Variants in ADGRL2 observed in about 807,000 individuals in gnomAD.
The protein encoded by ADGRL2 is calcium-independent alpha-latrotoxin receptor 2.
ADGRL2 carries 44 observed loss-of-function variants against 157.4 expected under a neutral mutation model. The ratio of observed to expected loss-of-function variants is 0.28; its 90% confidence interval spans 0.22 to 0.36. The LOEUF (loss-of-function observed/expected upper bound fraction) is 0.36, where lower values mean the gene tolerates loss of function less well. Among genes scored for constraint, ADGRL2 ranks in the 10% least tolerant of loss-of-function variants. The probability of loss-of-function intolerance (pLI) is 1.00; values close to 1 mark genes in which losing one functional copy is unlikely to be tolerated. For missense variants in ADGRL2, 1,510 were observed against 1,768.9 expected, an observed-to-expected ratio of 0.85 and a Z score of 2.63; for synonymous variants, 585 against 624.7, an observed-to-expected ratio of 0.94 and a Z score of 0.95.
intron 3 of ADGRL2, among the ~76,000 whole-genome samples, chr1:81,672,598 C>A (rs1296676855): frequency 6.6e-6 from 1 of 152,168 alleles, no homozygotes; most frequent in East Asian, 1.9e-4. Context: ...TAAAGGTTAT[C>A]ACTTTTCATT....
At chr1:81,806,624 A>G (rs1036556691) in intron 1 of ADGRL2, among the ~76,000 whole-genome samples, 2 of 152,158 alleles carry the variant, frequency 1.3e-5, no homozygotes, top group East Asian at 1.9e-4. Flanking sequence ...TTTTCTATCA[A>G]AATATTTATT....
At chr1:81,879,848 GA>G (rs1225477915) in intron 2 of ADGRL2, among the ~76,000 whole-genome samples, 1 of 152,024 alleles carries the variant, frequency 6.6e-6, no homozygotes, top group East Asian at 1.9e-4. Flanking sequence ...CCAATGTGGT[GA>G]AACCCTGTCT....
At chr1:81,427,207 C>T in intron 1 of ADGRL2, 1 of 809,300 alleles carries the variant, frequency 1.2e-6, no homozygotes, top group South Asian at 1.3e-5. Flanking sequence ...ATGGTGGCAA[C>T]TTTGGTGGAA....
At chr1:81,308,974 A>G (rs948357341) in intron 1 of ADGRL2, among the ~76,000 whole-genome samples, 1 of 152,142 alleles carries the variant, frequency 6.6e-6, no homozygotes, top group Non-Finnish European at 1.5e-5. Flanking sequence ...TATATATAAT[A>G]CCATGTTGTT....
At chr1:81,728,782 A>G (rs1293343198) in intron 1 of ADGRL2, among the ~76,000 whole-genome samples, 3 of 152,120 alleles carry the variant, frequency 2.0e-5, no homozygotes, top group African/African-American at 7.2e-5. Context: ...GTGCCTGTCC[A>G]TGCTGAAACA....
At chr1:81,665,504 C>G (rs1376106240) in intron 3 of ADGRL2, among the ~76,000 whole-genome samples, 9 of 152,042 alleles carry the variant, frequency 5.9e-5, no homozygotes, top group Non-Finnish European at 1.3e-4. Flanking sequence ...ATTTATCATA[C>G]AATTATATGT....
intron 21 of ADGRL2, among the ~76,000 whole-genome samples, chr1:81,986,129 A>G (rs1481432353): frequency 3.3e-5 from 5 of 152,104 alleles, no homozygotes; most frequent in Non-Finnish European, 7.4e-5. Context: ...TACATTAGCT[A>G]TGCAAAACAT....
chr1:81,504,204 A>C (rs2078918694), intron 2 of ADGRL2, among the ~76,000 whole-genome samples: 1 of 151,850 alleles, frequency 6.6e-6, no homozygotes, highest in Non-Finnish European at 1.5e-5. Flanking sequence ...CGCCCCCCCA[A>C]ACCTCATGCT....
intron 3 of ADGRL2, among the ~76,000 whole-genome samples, chr1:81,669,011 G>A (rs1438599369): frequency 6.6e-6 from 1 of 152,128 alleles, no homozygotes; most frequent in Non-Finnish European, 1.5e-5. Context: ...TATCTGTGGT[G>A]TTCTGTCTTC....
chr1:81,844,779 A>G (rs916059126), intron 2 of ADGRL2, among the ~76,000 whole-genome samples: 5 of 152,168 alleles, frequency 3.3e-5, no homozygotes, highest in Admixed American at 3.3e-4. Context: ...TGAGAAGGGA[A>G]TACGTATCAG....
chr1:81,831,555 C>T (rs1439436491), intron 1 of ADGRL2, among the ~76,000 whole-genome samples: 3 of 151,942 alleles, frequency 2.0e-5, no homozygotes, highest in Non-Finnish European at 2.9e-5. Flanking sequence ...GCTTATTTCT[C>T]AGCCCTTCTG....
intron 1 of ADGRL2, among the ~76,000 whole-genome samples, chr1:81,358,639 A>G (rs1270701185): frequency 6.6e-6 from 1 of 152,144 alleles, no homozygotes; most frequent in Non-Finnish European, 1.5e-5. Flanking sequence ...ATCAACCTGG[A>G]TAGGACAGCT....
chr1:81,689,498 A>T (rs1331519843), intron 3 of ADGRL2, among the ~76,000 whole-genome samples: 1 of 152,244 alleles, frequency 6.6e-6, no homozygotes, highest in Non-Finnish European at 1.5e-5. Context: ...AAAAACAAAA[A>T]AACATTTTGT....
intron 1 of ADGRL2, among the ~76,000 whole-genome samples, chr1:81,338,950 C>T (rs1264639128): frequency 3.9e-5 from 6 of 152,200 alleles, no homozygotes; most frequent in Non-Finnish European, 8.8e-5. Context: ...TATCTCATTA[C>T]ACTATTATTA....
Position 81,968,124 on chromosome 1 carries a change from T to G in ADGRL2, c.2448T>G (p.Thr816=), listed in dbSNP as rs1365273972. Residue 816 remains threonine, a synonymous_variant, in exon 14 of 24, where the codon ACT becomes ACG. Coordinates refer to ENST00000686636, the MANE Select transcript of ADGRL2 (RefSeq NM_001366006.2). ...CCCAGGGCTGCAAGCTGGTTGACAC[T>G]AATAAAACTCGAACAACGTGTGCAT... is the stretch of plus-strand genomic sequence containing the variant. The part of the protein sequence containing the change: ...WSTQGCKLVD[T]NKTRTTCACS... The G allele has an allele frequency of 6.2e-7, 1 of 1,612,946 alleles. No homozygotes were observed. Among genetic ancestry groups the G allele is most frequent in the Admixed American group, 1.7e-5 (1 of 59,718 alleles).
At chr1:81,821,064 A>G (rs2090944968) in intron 1 of ADGRL2, among the ~76,000 whole-genome samples, 1 of 152,200 alleles carries the variant, frequency 6.6e-6, no homozygotes, top group Non-Finnish European at 1.5e-5. Flanking sequence ...ATAGCTATGC[A>G]TAAGGTAATC....
chr1:81,860,610 A>G (rs1338879708), intron 2 of ADGRL2, among the ~76,000 whole-genome samples: 1 of 152,186 alleles, frequency 6.6e-6, no homozygotes, highest in African/African-American at 2.4e-5. Context: ...ACATGACACA[A>G]AAGGTACTTT....
At chr1:81,596,156 C>A in intron 3 of ADGRL2, 1 of 462,432 alleles carries the variant, frequency 2.2e-6, no homozygotes. Context: ...TTGACTTAAG[C>A]ATCCGCAATG....
At chr1:81,508,642 G>GC (rs1176792442) in intron 2 of ADGRL2, among the ~76,000 whole-genome samples, 2 of 152,148 alleles carry the variant, frequency 1.3e-5, no homozygotes, top group Non-Finnish European at 2.9e-5. Context: ...GAAAGCAAGT[G>GC]CCAGGCCCTA....
Sources: allele counts gnomAD v4.1 joint callset (sites outside exome capture counted in the v4.1 genomes callset), GRCh38; gene constraint gnomAD v4.1.1; transcripts MANE v1.5; gene names NCBI Gene and HGNC (gene_info 2026-07-23, HGNC 2026-07-21).